Variants in LINGO2 observed in about 807,000 individuals in gnomAD.
LINGO2 encodes leucine rich repeat and Ig domain containing 2.
A neutral mutation model predicts 30.6 loss-of-function variants in LINGO2; 14 were observed. The observed-to-expected ratio is 0.46, with a 90% CI of 0.30 to 0.72. The LOEUF (loss-of-function observed/expected upper bound fraction) is 0.72, where lower values mean the gene tolerates loss of function less well. Among genes scored for constraint, LINGO2 ranks in the 30% least tolerant of loss-of-function variants. The pLI is 0.07. For missense variants in LINGO2, 729 were observed against 751.7 expected (o/e 0.97, Z 0.35); for synonymous variants, 317 against 288.5 (o/e 1.10, Z -1.00).
At chr9:28,766,763 G>C in the LINGO2 span, among the ~76,000 whole-genome samples, 1 of 146,664 alleles carries the variant, frequency 6.8e-6, no homozygotes, top group Non-Finnish European at 1.5e-5. Context: ...GATCCTAAGA[G>C]GAGAGGGAGG....
In LINGO2 at chr9:28,122,738, C is replaced by G. The variant is rs557787356; in HGVS notation, c.-86-110333G>C. ...TTCCATTTCCAAGCCACTATCACAGCATCAAAAGAACCACAAGTTATGTTT... is the reference window on the plus strand; with the variant it reads ...TTCCATTTCCAAGCCACTATCACAGGATCAAAAGAACCACAAGTTATGTTT... On this transcript the variant is annotated intron_variant, in intron 4 of 5. Coordinates refer to ENST00000379992, the Ensembl canonical transcript of LINGO2. 2.0e-5 allele frequency among the ~76,000 whole-genome samples: 3 copies of G among 152,268 alleles called. No homozygotes were observed. In the East Asian group the frequency reaches 5.8e-4, roughly 29 times the overall value.
At chr9:28,306,380 C>T (rs545986532) in intron 3 of LINGO2, among the ~76,000 whole-genome samples, 55 of 152,046 alleles carry the variant, frequency 3.6e-4, no homozygotes, top group Admixed American at 1.1e-3. Context: ...TTGAAACCTA[C>T]GAGAACAAAG....
the LINGO2 span, among the ~76,000 whole-genome samples, chr9:28,956,254 A>C: frequency 6.6e-6 from 1 of 152,080 alleles, no homozygotes; most frequent in Non-Finnish European, 1.5e-5. Flanking sequence ...GAAAAGCTGT[A>C]TGTAATCTTA....
At chr9:28,398,058 A>C (rs2134728338) in intron 2 of LINGO2, among the ~76,000 whole-genome samples, 1 of 152,316 alleles carries the variant, frequency 6.6e-6, no homozygotes, top group South Asian at 2.1e-4. Context: ...TTTGCATGTT[A>C]AAGAAATGCC....
intron 1 of LINGO2, among the ~76,000 whole-genome samples, chr9:28,538,255 T>C (rs763946542): frequency 1.3e-5 from 2 of 151,932 alleles, no homozygotes; most frequent in Non-Finnish European, 2.9e-5. Flanking sequence ...AAAATAGGAA[T>C]ATAAAATAAA....
chr9:28,664,375 C>T (rs1359125007), intron 1 of LINGO2, among the ~76,000 whole-genome samples: 1 of 152,026 alleles, frequency 6.6e-6, no homozygotes, highest in African/African-American at 2.4e-5. Flanking sequence ...GCTGGAACCA[C>T]AGTCTAGGTT....
the LINGO2 span, among the ~76,000 whole-genome samples, chr9:28,998,450 T>C: frequency 6.6e-6 from 1 of 152,140 alleles, no homozygotes; most frequent in South Asian, 2.1e-4. Flanking sequence ...ATGTAATCTA[T>C]TGATCTATCT....
the LINGO2 span, among the ~76,000 whole-genome samples, chr9:28,895,703 G>A: frequency 2.6e-5 from 4 of 152,022 alleles, no homozygotes; most frequent in African/African-American, 9.7e-5. Context: ...ACAGTAGTCA[G>A]AATTGACAGA....
the LINGO2 span, among the ~76,000 whole-genome samples, chr9:29,144,986 C>T: frequency 3.3e-5 from 5 of 151,924 alleles, no homozygotes; most frequent in Admixed American, 1.3e-4. Flanking sequence ...TCATTATCTG[C>T]TTTGTTTTGG....
At chr9:28,706,748 G>C in the LINGO2 span, among the ~76,000 whole-genome samples, 3 of 152,040 alleles carry the variant, frequency 2.0e-5, no homozygotes, top group Non-Finnish European at 4.4e-5. Context: ...AAACCTTGCA[G>C]TCTCACACTT....
At chr9:28,154,128 A>C (rs1019542704) in intron 4 of LINGO2, among the ~76,000 whole-genome samples, 2 of 152,160 alleles carry the variant, frequency 1.3e-5, no homozygotes, top group Non-Finnish European at 2.9e-5. Flanking sequence ...CCTCTAGCTG[A>C]GGAGACTATC....
At chr9:28,671,869 T>G (rs955051500), upstream of LINGO2, among the ~76,000 whole-genome samples, 1 of 152,234 alleles carries the variant, frequency 6.6e-6, no homozygotes, top group South Asian at 2.1e-4. Flanking sequence ...GACATGAGCA[T>G]TTCCTTATCA....
chr9:28,309,446 G>C (rs4507855), intron 3 of LINGO2, among the ~76,000 whole-genome samples: 2,648 of 150,750 alleles, frequency 0.018, 58 homozygotes, highest in African/African-American at 0.061. Flanking sequence ...GTGGCGGGAG[G>C]GGGGAGGGAT....
chr9:28,270,252 G>T (rs1324283705), intron 4 of LINGO2, among the ~76,000 whole-genome samples: 1 of 152,026 alleles, frequency 6.6e-6, no homozygotes, highest in African/African-American at 2.4e-5. Flanking sequence ...AGCCTGTGGG[G>T]TGATAGAAAT....
intron 1 of LINGO2, among the ~76,000 whole-genome samples, chr9:28,521,095 G>C (rs922220472): frequency 6.6e-6 from 1 of 152,154 alleles, no homozygotes; most frequent in African/African-American, 2.4e-5. Context: ...CCTAAAATTG[G>C]AGGGAATACT....
At chr9:27,989,334 A>G (rs1821275455) in intron 5 of LINGO2, among the ~76,000 whole-genome samples, 1 of 151,920 alleles carries the variant, frequency 6.6e-6, no homozygotes, top group African/African-American at 2.4e-5. Flanking sequence ...TTCCCAACAA[A>G]ATATAAGATA....
At chr9:28,522,834 A>C (rs1232658324) in intron 1 of LINGO2, among the ~76,000 whole-genome samples, 1 of 152,072 alleles carries the variant, frequency 6.6e-6, no homozygotes, top group East Asian at 1.9e-4. Flanking sequence ...AGGCAGGAGG[A>C]TATTAGTGAT....
chr9:27,945,000 C>A (rs140791749), downstream of LINGO2, among the ~76,000 whole-genome samples: 2 of 152,282 alleles, frequency 1.3e-5, no homozygotes, highest in African/African-American at 4.8e-5. Context: ...CTCCAACCTT[C>A]TTTAAAGTCT....
the LINGO2 span, among the ~76,000 whole-genome samples, chr9:28,700,819 G>C: frequency 6.6e-6 from 1 of 152,056 alleles, no homozygotes; most frequent in Non-Finnish European, 1.5e-5. Context: ...ATTTGGTGTT[G>C]TCACCATTCT....
Sources: gnomAD v4.1 joint callset for allele counts (sites outside exome capture counted in the v4.1 genomes callset) on GRCh38, gnomAD v4.1.1 for gene constraint, MANE v1.5 for transcripts, NCBI Gene and HGNC (gene_info 2026-07-23, HGNC 2026-07-21) for gene names.